The following TSC2 variants were observed in gnomAD, a reference collection of about 807,000 sequenced individuals.
The protein encoded by TSC2 is tuberin.
In TSC2, 29 loss-of-function variants were observed where a neutral mutation model predicts 202.2. The ratio of observed to expected loss-of-function variants is 0.14; its 90% CI spans 0.11 to 0.20. The LOEUF (loss-of-function observed/expected upper bound fraction) is 0.20, where lower values mean the gene tolerates loss of function less well. Among genes scored for constraint, TSC2 ranks in the 10% least tolerant of loss-of-function variants. TSC2 has a pLI of 1.00. For missense variants in TSC2, 2,429 were observed against 2,420.0 expected (o/e 1.00, Z -0.08); for synonymous variants, 1,349 against 1,044.0 (o/e 1.29, Z -5.63).
chr16:2,064,610 T>C, intron 15 of TSC2, 183 bp downstream of exon 15: 1 of 907,208 alleles, frequency 1.1e-6, no homozygotes, highest in Non-Finnish European at 1.7e-6. Context: ...TGGATTTGTG[T>C]CCTGACTGAA....
chr16:2,080,324 A>T lies in TSC2; in HGVS notation c.3557A>T (p.Tyr1186Phe), dbSNP rs137854421. 1 of 1,612,714 alleles carries T rather than the reference A, an allele frequency of 6.2e-7. No homozygotes were observed. Among genetic ancestry groups the T allele is most frequent in the Non-Finnish European group, 8.5e-7 (1 of 1,179,996 alleles). Reference sequence around the variant, plus strand: ...CAGGAGAAGACGAACCTGGCGGCCTATGTGCCCCTGCTGACCCAGGGCTGG... The same window carrying T: ...CAGGAGAAGACGAACCTGGCGGCCTTTGTGCCCCTGCTGACCCAGGGCTGG... ...PVQEKTNLAA[Y>F]VPLLTQGWAE... The change falls in exon 30 of 42, where the codon TAT (tyrosine) becomes TTT (phenylalanine). Residue 1186 changes from tyrosine to phenylalanine, a missense_variant. Physicochemically the swap from Tyr to Phe is conservative, Grantham distance 22. Transcript: ENST00000219476.
At position 2,083,648 on chromosome 16, in the gene TSC2, G is replaced by T. The variant is rs375126574; in HGVS notation, c.3884-47G>T. On this transcript the variant is annotated intron_variant, in intron 32 of 41. Coordinates refer to ENST00000219476, the MANE Select transcript of TSC2 (RefSeq NM_000548.5). ...TTCTCGGAGGCCACGTCAGGGCCAG[G>T]GCCTGGCCCAGCCCCACATCCAGCA... The T allele has an allele frequency of 1.9e-4, 288 of 1,555,990 alleles. No homozygotes were observed. The highest frequency in any genetic ancestry group is 2.3e-4 in the Non-Finnish European group (268 of 1,150,474).
chr16:2,087,996 G>A (rs557913864), intron 39 of TSC2, 52 bp from the exon 40 acceptor site: 1 of 1,612,718 alleles, frequency 6.2e-7, no homozygotes, highest in African/African-American at 1.3e-5. Context: ...GTGGGGCCCT[G>A]CAGTGTGGCG....
chr16:2,075,781 C>T lies in TSC2; in HGVS notation c.2546-18C>T, dbSNP rs2151379307. 1 of 1,611,740 alleles carries T rather than the reference C, an allele frequency of 6.2e-7. No homozygotes were observed. Among genetic ancestry groups the T allele is most frequent in the Non-Finnish European group, 8.5e-7 (1 of 1,179,814 alleles). ...CACGGGACCCCGGCTCCCCTGACCACCCTCTCCATTACCGCAGCTCTGGCC... is the reference window on the plus strand; with the variant it reads ...CACGGGACCCCGGCTCCCCTGACCATCCTCTCCATTACCGCAGCTCTGGCC... On this transcript the variant is annotated intron_variant, in intron 22 of 41. Coordinates refer to ENST00000219476, the MANE Select transcript of TSC2 (RefSeq NM_000548.5).
At position 2,088,042 on chromosome 16, in the gene TSC2, C is replaced by T. The variant is rs1212112210; in HGVS notation, c.5069-6C>T. On this transcript the variant is annotated splice_region_variant and splice_polypyrimidine_tract_variant and intron_variant, in intron 39 of 41. Coordinates refer to ENST00000219476, the MANE Select transcript of TSC2 (RefSeq NM_000548.5). Reference sequence around the variant, plus strand: ...TGGGCCTGGCGTGACCACCAAGTCTCCCCAGACATGGAGGGCCTTGTGGAC... The same window carrying T: ...TGGGCCTGGCGTGACCACCAAGTCTTCCCAGACATGGAGGGCCTTGTGGAC... 6 of 1,612,584 alleles carry T rather than the reference C, an allele frequency of 3.7e-6. No individual in the cohort carries two copies. Among genetic ancestry groups the T allele is most frequent in the East Asian group, 2.2e-5 (1 of 44,692 alleles).
intron 1 of TSC2, 189 bp downstream of exon 1, chr16:2,048,254 A>C (rs2084604837): frequency 7.6e-7 from 1 of 1,314,060 alleles, no homozygotes; most frequent in Non-Finnish European, 1.1e-6. Context: ...CGGCTCCGTG[A>C]CAGCTCCTGC....
chr16:2,075,682 C>T lies in TSC2; in HGVS notation c.2546-117C>T, dbSNP rs895104501. The T allele has an allele frequency of 9.3e-4, 1,012 of 1,086,858 alleles. 1 individual carries two copies. Among genetic ancestry groups the T allele is most frequent in the Non-Finnish European group, 1.2e-3 (912 of 733,372 alleles). The allele number at this position is 1,086,858 out of a possible 1,614,324, so 67.3% of individuals were successfully genotyped here. A position where few individuals can be genotyped will look rare whatever the true frequency, so the allele number is the denominator to read the frequency against. On this transcript the variant is annotated intron_variant, in intron 22 of 41. Transcript: ENST00000219476. ...GTCGGGAAAGCCACGTCCGTGTGGC[C>T]GTGGCCTTCTCTCCTCTGCAGCACC...
rs554192010 is a variant in TSC2, at chr16:2,085,638, G to A, written c.4662+316G>A. 5.3e-5 allele frequency among the ~76,000 whole-genome samples: 8 copies of A among 152,306 alleles called. No individual in the cohort carries two copies. In the East Asian group the frequency reaches 1.5e-3, roughly 29 times the overall value. On this transcript the variant is annotated intron_variant, in intron 36 of 41. Coordinates refer to ENST00000219476, the MANE Select transcript of TSC2 (RefSeq NM_000548.5). ...CTGAGTGGTGAGGGAGCGGGCAGGG[G>A]GAGCCTGCATAAGGGGTGGGGGCAT... is the stretch of plus-strand genomic sequence containing the variant.
rs2151277233 is a variant in TSC2 at position 2,070,443 on chromosome 16, C to T, written c.1717-13C>T. 1.2e-6 allele frequency: 2 copies of T among 1,613,340 alleles called. No homozygotes were observed. The highest frequency in any genetic ancestry group is 1.7e-6 in the Non-Finnish European group (2 of 1,180,030). On this transcript the variant is annotated splice_polypyrimidine_tract_variant and intron_variant, in intron 16 of 41. Coordinates refer to ENST00000219476, the MANE Select transcript of TSC2 (RefSeq NM_000548.5). Reference sequence around the variant, plus strand: ...CCTCCTGCGCCGTGGTGAGCTGCGTCCTCTCTCTGCAGACCAAGCTGTACA... The same window carrying T: ...CCTCCTGCGCCGTGGTGAGCTGCGTTCTCTCTCTGCAGACCAAGCTGTACA...
chr16:2,053,238 C>G (rs1228660614), intron 3 of TSC2, 104 bp from the exon 4 acceptor site: 4 of 1,144,486 alleles, frequency 3.5e-6, no homozygotes, highest in Middle Eastern at 2.8e-4. Flanking sequence ...AGTCACAAGC[C>G]CCCGTTGTTC....
At position 2,084,589 on chromosome 16, in the gene TSC2, T is replaced by A. The variant is rs777669350; in HGVS notation, c.4367T>A (p.Leu1456His). 19 of 1,605,162 alleles carry A rather than the reference T, an allele frequency of 1.2e-5. 1 individual carries two copies. In the South Asian group the frequency reaches 2.1e-4, roughly 18 times the overall value. ...PSSSPRSPSG[L>H]RPRGYTISDS... ...AGCTCCCCCCGCTCGCCCAGTGGCC[T>A]CCGGCCCCGAGGTTACACCATCTCC... Residue 1456 changes from leucine (L) to histidine (H), a missense_variant, in exon 34 of 42, where the codon CTC becomes CAC. By Grantham distance (99) the Leu-to-His change is moderately conservative. Coordinates refer to ENST00000219476, the MANE Select transcript of TSC2 (RefSeq NM_000548.5).
In TSC2 at chr16:2,079,501, A is replaced by G; in HGVS notation, c.3285-56A>G. Reference sequence around the variant, plus strand: ...TGTCCCGAGCCCAGGCCCACGTGGCACCCTCGTACCAGCCTGGGGACTAAG... The same window carrying G: ...TGTCCCGAGCCCAGGCCCACGTGGCGCCCTCGTACCAGCCTGGGGACTAAG... On this transcript the variant is annotated intron_variant, in intron 28 of 41. Coordinates refer to ENST00000219476, the MANE Select transcript of TSC2 (RefSeq NM_000548.5). The surrounding 1 kb of genome is among the most constrained non-coding windows in gnomAD (Gnocchi z 4.6). 2 of 1,606,424 alleles carry G rather than the reference A, an allele frequency of 1.2e-6. No homozygotes were observed. Among genetic ancestry groups the G allele is most frequent in the Non-Finnish European group, 1.7e-6 (2 of 1,177,170 alleles).
Position 2,086,623 on chromosome 16 carries a change from T to C in TSC2, c.4850-109T>C, listed in dbSNP as rs13335638. ...ACTGGCCAGGCACCAGAGGACGTGGTCCCCGCAGGCCCCCAGAGCCCCTGG... is the reference window on the plus strand; with the variant it reads ...ACTGGCCAGGCACCAGAGGACGTGGCCCCCGCAGGCCCCCAGAGCCCCTGG... On this transcript the variant is annotated intron_variant, in intron 37 of 41. Transcript: ENST00000219476. The C allele has an allele frequency of 0.19, 286,655 of 1,538,084 alleles. 33,023 individuals are homozygous for C. Among genetic ancestry groups the C allele is most frequent in the African/African-American group, 0.54 (39,837 of 73,146 alleles).
chr16:2,063,207 T>A, intron 14 of TSC2, 154 bp downstream of exon 14: 1 of 904,996 alleles, frequency 1.1e-6, no homozygotes, highest in Non-Finnish European at 1.7e-6. Flanking sequence ...TGTTTACCCC[T>A]GTTCATTCAC....
intron 6 of TSC2, 100 bp downstream of exon 6, chr16:2,055,619 A>G: frequency 8.8e-7 from 1 of 1,131,538 alleles, no homozygotes; most frequent in Admixed American, 1.7e-5. Flanking sequence ...TGGGCTGGGC[A>G]CAATGGCTCA....
At chr16:2,086,941 A>C (rs2090884916) in intron 38 of TSC2, 70 bp downstream of exon 38, 1 of 1,545,202 alleles carries the variant, frequency 6.5e-7, no homozygotes, top group Non-Finnish European at 8.7e-7. Context: ...GGTTGGTGGC[A>C]GGTCCTCCTC....
intron 33 of TSC2, among the ~76,000 whole-genome samples, 173 bp downstream of exon 33, chr16:2,083,989 G>A (rs1365332589): frequency 6.6e-6 from 1 of 152,244 alleles, no homozygotes; most frequent in Non-Finnish European, 1.5e-5. Flanking sequence ...CACCTGGGCC[G>A]GCCCTGGCTG....
At chr16:2,087,184 C>T (rs1400595121) in intron 38 of TSC2, 2 of 452,638 alleles carry the variant, frequency 4.4e-6, no homozygotes, top group Non-Finnish European at 8.3e-6. Flanking sequence ...CACCATCTCC[C>T]CAGTGGCAGC....
rs1311161372 is a variant in TSC2 at position 2,079,939 on chromosome 16, T to C, written c.3398-226T>C. 2.0e-5 allele frequency among the ~76,000 whole-genome samples: 3 copies of C among 152,172 alleles called. No homozygotes were observed. The highest frequency in any genetic ancestry group is 2.1e-4 in the South Asian group (1 of 4,828). On this transcript the variant is annotated intron_variant, in intron 29 of 41. Transcript: ENST00000219476. This position sits in a 1 kb window ranked among gnomAD's most constrained non-coding sequence, Gnocchi z 4.6. The stretch of plus-strand genomic sequence containing the variant: ...GCTCAGTCCTGGAGCCCTTCTCTGC[T>C]CCAGCGAGCCGTGGTCTGACTGCAG...
Sources: gnomAD v4.1 joint callset for allele counts (sites outside exome capture counted in the v4.1 genomes callset) on GRCh38, gnomAD v4.1.1 for gene constraint, Gnocchi (gnomAD v3.1) non-coding constraint, MANE v1.5 for transcripts, NCBI Gene and HGNC (gene_info 2026-07-23, HGNC 2026-07-21) for gene names.